VAT1L: variants seen among roughly 807,000 people sequenced by gnomAD.
VAT1L encodes putative NADPH-dependent quinone oxidoreductase VAT1L.
Under a neutral mutation model 44.1 loss-of-function variants are expected in VAT1L, and 34 were observed. The ratio of observed to expected loss-of-function variants is 0.77; its 90% CI spans 0.59 to 1.03. The LOEUF (loss-of-function observed/expected upper bound fraction) is 1.03, where lower values mean the gene tolerates loss of function less well. Ranked by LOEUF, VAT1L falls within the 50% of genes least tolerant of loss-of-function variation. The probability of loss-of-function intolerance (pLI) is 0.00; values close to 1 mark genes in which losing one functional copy is unlikely to be tolerated. For synonymous variants in VAT1L, 253 were observed against 202.2 expected, an observed-to-expected ratio of 1.25 and a Z score of -2.13; for missense variants, 615 against 538.8, an observed-to-expected ratio of 1.14 and a Z score of -1.40.
At chr16:77,965,241 T>A (rs958085536) in intron 7 of VAT1L, among the ~76,000 whole-genome samples, 3 of 152,162 alleles carry the variant, frequency 2.0e-5, no homozygotes, top group African/African-American at 7.2e-5. Context: ...AATGAATGAA[T>A]GAATGAGTGA....
At chr16:77,847,017 C>T (rs987651855) in intron 3 of VAT1L, among the ~76,000 whole-genome samples, 3 of 152,110 alleles carry the variant, frequency 2.0e-5, no homozygotes, top group African/African-American at 7.2e-5. Flanking sequence ...TTTACAATGG[C>T]ATAAATGTGT....
At chr16:77,969,065 C>T (rs1432131514) in intron 7 of VAT1L, among the ~76,000 whole-genome samples, 1 of 152,128 alleles carries the variant, frequency 6.6e-6, no homozygotes, top group Admixed American at 6.5e-5. Flanking sequence ...GTGATCTTCC[C>T]GCCCTGGCCT....
chr16:77,945,692 C>T (rs1207973954), intron 7 of VAT1L, among the ~76,000 whole-genome samples: 3 of 152,130 alleles, frequency 2.0e-5, no homozygotes, highest in African/African-American at 7.2e-5. Context: ...AATCATACTC[C>T]CATTACCAAC....
At chr16:77,965,124 A>G (rs528573340) in intron 7 of VAT1L, among the ~76,000 whole-genome samples, 1 of 152,126 alleles carries the variant, frequency 6.6e-6, no homozygotes, top group African/African-American at 2.4e-5. Flanking sequence ...TGATAAGCCT[A>G]TTTAATAAGG....
At chr16:77,861,605 C>A (rs148640175) in intron 3 of VAT1L, among the ~76,000 whole-genome samples, 1,532 of 152,302 alleles carry the variant, frequency 0.01, 25 homozygotes, top group African/African-American at 0.035. Context: ...TTGCAAAATA[C>A]CTTATTTACA....
At position 77,919,458 on chromosome 16, in the gene VAT1L, A is replaced by C. The variant is rs540978600; in HGVS notation, c.1077+34656A>C. ...TTTAAAATTAATTAGAGGTAGAGAT[A>C]CATGGAACTGAAAAACACCACCCGC... On this transcript the variant is annotated intron_variant, in intron 7 of 8. Transcript: ENST00000302536. Among the ~76,000 whole-genome samples, 3 of 152,340 alleles carry C rather than the reference A, an allele frequency of 2.0e-5. No homozygotes were observed. The East Asian group carries it at 5.8e-4, about 29-fold the overall frequency.
At chr16:77,896,182 T>C (rs1314854135) in intron 7 of VAT1L, among the ~76,000 whole-genome samples, 1 of 152,194 alleles carries the variant, frequency 6.6e-6, no homozygotes, top group Non-Finnish European at 1.5e-5. Context: ...ACTCTGAGCC[T>C]CCCTGCCTTT....
rs1368838947 is a variant in VAT1L at position 77,979,885 on chromosome 16, T to C, written c.*2190T>C. 1 of 152,634 alleles carries C rather than the reference T, an allele frequency of 6.6e-6. No individual in the cohort carries two copies. The highest frequency in any genetic ancestry group is 1.5e-5 in the Non-Finnish European group (1 of 68,038). 9.5% of individuals were successfully genotyped at this position (152,634 alleles called of 1,614,324 possible). ...TAACGTACTCTCATTTTAAGCACCT[T>C]CTTTCCTGTCTCTTGATTGTTTTTT... On this transcript the variant is annotated 3_prime_UTR_variant, in exon 9 of 9. Coordinates refer to ENST00000302536, the MANE Select transcript of VAT1L (RefSeq NM_020927.3).
At chr16:77,886,384 G>A (rs368272875) in intron 7 of VAT1L, among the ~76,000 whole-genome samples, 1 of 152,272 alleles carries the variant, frequency 6.6e-6, no homozygotes, top group South Asian at 2.1e-4. Flanking sequence ...AAAGCTAAGA[G>A]ATATACTTGT....
chr16:77,898,144 C>G (rs1200414419), intron 7 of VAT1L, among the ~76,000 whole-genome samples: 2 of 152,166 alleles, frequency 1.3e-5, no homozygotes, highest in Admixed American at 1.3e-4. Context: ...AAGGCATTCC[C>G]TCTGTGGGCA....
At chr16:77,811,160 C>T (rs945080798) in intron 1 of VAT1L, among the ~76,000 whole-genome samples, 10 of 152,140 alleles carry the variant, frequency 6.6e-5, no homozygotes, top group African/African-American at 2.4e-4. Context: ...ATACTGACAA[C>T]CTGAGGAAAG....
intron 1 of VAT1L, among the ~76,000 whole-genome samples, chr16:77,798,454 G>A (rs1474263423): frequency 6.6e-6 from 1 of 152,200 alleles, no homozygotes; most frequent in Non-Finnish European, 1.5e-5. Context: ...AAGTTTTTGT[G>A]TGGGGAAAGA....
chr16:77,880,263 C>A (rs539778890), intron 6 of VAT1L, among the ~76,000 whole-genome samples: 1 of 151,976 alleles, frequency 6.6e-6, no homozygotes, highest in Non-Finnish European at 1.5e-5. Flanking sequence ...CTGTAGCAAC[C>A]CTCCTGCTTC....
intron 7 of VAT1L, among the ~76,000 whole-genome samples, chr16:77,967,593 G>T (rs909619640): frequency 2.0e-5 from 3 of 152,136 alleles, no homozygotes; most frequent in Non-Finnish European, 4.4e-5. Flanking sequence ...TTCCGTAAGG[G>T]ACTTCAAGGA....
At chr16:77,843,839 C>T (rs2016731632) in intron 3 of VAT1L, among the ~76,000 whole-genome samples, 1 of 152,204 alleles carries the variant, frequency 6.6e-6, no homozygotes, top group Admixed American at 6.5e-5. Flanking sequence ...CATGGGGAGA[C>T]AATTAGACCC....
chr16:77,834,404 A>G (rs1040385161), intron 3 of VAT1L, among the ~76,000 whole-genome samples: 2 of 152,096 alleles, frequency 1.3e-5, no homozygotes, highest in Admixed American at 1.3e-4. Flanking sequence ...CTGCCCTAGT[A>G]CCTAGCAGGG....
chr16:77,931,807 G>A (rs1467041351), intron 7 of VAT1L, among the ~76,000 whole-genome samples: 3 of 152,172 alleles, frequency 2.0e-5, no homozygotes, highest in African/African-American at 4.8e-5. Context: ...AGTTAGTAGG[G>A]TTAGTAGTAA....
At chr16:77,940,143 T>C (rs1260714543) in intron 7 of VAT1L, among the ~76,000 whole-genome samples, 2 of 152,152 alleles carry the variant, frequency 1.3e-5, no homozygotes, top group Non-Finnish European at 2.9e-5. Flanking sequence ...AGTGATACGC[T>C]AGTGAATGTT....
At chr16:77,903,570 C>T (rs952513328) in intron 7 of VAT1L, among the ~76,000 whole-genome samples, 1 of 152,006 alleles carries the variant, frequency 6.6e-6, no homozygotes, top group Non-Finnish European at 1.5e-5. Context: ...ATCACAGGCC[C>T]AAATATCTTA....
Sources: gnomAD v4.1 joint callset for allele counts (sites outside exome capture counted in the v4.1 genomes callset) on GRCh38, gnomAD v4.1.1 for gene constraint, MANE v1.5 for transcripts, NCBI Gene and HGNC (gene_info 2026-07-23, HGNC 2026-07-21) for gene names.